CUX1: variants seen among roughly 807,000 people sequenced by gnomAD.
CUX1 encodes the protein cut like homeobox 1.
A neutral mutation model predicts 158.8 loss-of-function variants in CUX1; 31 were observed. The observed-to-expected ratio is 0.20, with a 90% CI of 0.15 to 0.26. The LOEUF is 0.26. Ranked by LOEUF, CUX1 falls within the 10% of genes least tolerant of loss-of-function variation. The pLI is 1.00. For synonymous variants in CUX1, 879 were observed against 862.1 expected, an observed-to-expected ratio of 1.02 and a Z score of -0.34; for missense variants, 1,589 against 2,014.6, an observed-to-expected ratio of 0.79 and a Z score of 4.04.
chr7:101,902,103 G>A (rs1026008154), intron 1 of CUX1, among the ~76,000 whole-genome samples: 3 of 152,162 alleles, frequency 2.0e-5, no homozygotes, highest in African/African-American at 7.2e-5. Flanking sequence ...CTCGCCCCCT[G>A]TTTCATGGAG....
intron 14 of CUX1, among the ~76,000 whole-genome samples, chr7:102,195,828 G>T (rs1272077692): frequency 6.6e-6 from 1 of 152,220 alleles, no homozygotes; most frequent in African/African-American, 2.4e-5. Context: ...AGCCGCACAG[G>T]CTCTGCGGAG....
At position 101,970,493 on chromosome 7, in the gene CUX1, G is replaced by A. The variant is rs115900442; in HGVS notation, c.141+54268G>A. 5.2e-3 allele frequency among the ~76,000 whole-genome samples: 788 copies of A among 152,280 alleles called. 11 individuals carry two copies. Among genetic ancestry groups the A allele is most frequent in the African/African-American group, 0.018 (739 of 41,556 alleles). ...CCCCAGGATTGCAGAACCTGAGCTC[G>A]AGGAGTGGGACATGACCTCCCCACG... On this transcript the variant is annotated intron_variant, in intron 2 of 23. Transcript: ENST00000292535.
intron 1 of CUX1, among the ~76,000 whole-genome samples, chr7:101,825,322 G>A (rs906769351): frequency 1.1e-4 from 17 of 152,180 alleles, no homozygotes; most frequent in East Asian, 3.9e-4. Context: ...TATTTCAGCC[G>A]TATCTCAACT....
chr7:101,982,312 G>C (rs1205384760), intron 2 of CUX1, among the ~76,000 whole-genome samples: 3 of 152,266 alleles, frequency 2.0e-5, no homozygotes, highest in Admixed American at 6.5e-5. Flanking sequence ...GGGAAGGCCA[G>C]GAGCTAGGGC....
At chr7:102,027,529 A>C (rs1820186126) in intron 2 of CUX1, among the ~76,000 whole-genome samples, 1 of 152,086 alleles carries the variant, frequency 6.6e-6, no homozygotes, top group Non-Finnish European at 1.5e-5. Flanking sequence ...TAGCACATTC[A>C]AAATGAGGTA....
chr7:102,207,763 A>T (rs1314639255), intron 20 of CUX1, among the ~76,000 whole-genome samples: 4 of 152,266 alleles, frequency 2.6e-5, no homozygotes, highest in East Asian at 3.9e-4. Context: ...GGAAAATTTT[A>T]AAAAATTGTA....
At chr7:102,188,764 A>C (rs1793923374) in intron 11 of CUX1, 1 of 151,450 alleles carries the variant, frequency 6.6e-6, no homozygotes, top group Non-Finnish European at 1.5e-5. Context: ...GAGCGAAGCC[A>C]AGATCACGCT....
intron 8 of CUX1, among the ~76,000 whole-genome samples, chr7:102,141,277 T>G (rs1362503722): frequency 6.6e-6 from 1 of 152,196 alleles, no homozygotes; most frequent in African/African-American, 2.4e-5. Context: ...CTCCACTGCC[T>G]GGGTCTTCAG....
At position 102,251,772 on chromosome 7, in the gene CUX1, A is replaced by C; in HGVS notation, c.*2730A>C. ...TGTGATGAATCTTTAAATATCGTCT[A>C]ATTTTCATAAGAATGAAAAGAAGTT... On this transcript the variant is annotated 3_prime_UTR_variant, in exon 24 of 24. Coordinates refer to ENST00000292535, the MANE Select transcript of CUX1 (RefSeq NM_181552.4). 4.1e-6 allele frequency: 4 copies of C among 985,310 alleles called. No homozygotes were observed. Among genetic ancestry groups the C allele is most frequent in the Non-Finnish European group, 4.8e-6 (4 of 829,832 alleles). 61.0% of individuals were successfully genotyped at this position (985,310 alleles called of 1,614,324 possible).
chr7:102,279,207 G>A (rs803087), intron 18 of CUX1, among the ~76,000 whole-genome samples: 44,542 of 151,944 alleles, frequency 0.29, 6,753 homozygotes, highest in East Asian at 0.49. Context: ...TGGGCGTGGT[G>A]TCATGCACCT....
At chr7:102,193,934 T>A in intron 13 of CUX1, 44 bp downstream of exon 13, 1 of 1,599,530 alleles carries the variant, frequency 6.3e-7, no homozygotes, top group South Asian at 1.1e-5. Flanking sequence ...TCAGCCCCGC[T>A]GCTGGTTACC....
In CUX1 at chr7:101,841,222, T is replaced by C. The variant is rs145522500; in HGVS notation, c.30+23553T>C. On this transcript the variant is annotated intron_variant, in intron 1 of 23. Transcript: ENST00000292535. ...TTCTATTCTTATGCCAATTTTGGCA[T>C]TTTATAATTTTCTAAAAATGTTTTC... Among the ~76,000 whole-genome samples, 631 of 152,280 alleles carry C rather than the reference T, an allele frequency of 4.1e-3. 6 individuals are homozygous for C. The highest frequency in any genetic ancestry group is 0.013 in the African/African-American group (561 of 41,562).
At chr7:101,999,929 C>G (rs1410207390) in intron 2 of CUX1, among the ~76,000 whole-genome samples, 2 of 151,940 alleles carry the variant, frequency 1.3e-5, no homozygotes, top group Non-Finnish European at 2.9e-5. Context: ...CTAAAGAGAC[C>G]CTAGTGGCAA....
At chr7:102,207,285 G>A (rs1334298350) in intron 20 of CUX1, among the ~76,000 whole-genome samples, 1 of 152,168 alleles carries the variant, frequency 6.6e-6, no homozygotes, top group Non-Finnish European at 1.5e-5. Context: ...AGAGGCAGCA[G>A]ATGGGTGTGT....
chr7:101,841,426 A>C lies in CUX1; in HGVS notation c.30+23757A>C, dbSNP rs990365467. Reference sequence around the variant, plus strand: ...TTGTTTATCTTACTGATCTTGAAAAAACAGCTTTTGGTCTTGTTAATCTTG... The same window carrying C: ...TTGTTTATCTTACTGATCTTGAAAACACAGCTTTTGGTCTTGTTAATCTTG... On this transcript the variant is annotated intron_variant, in intron 1 of 23. Transcript: ENST00000292535. 2.6e-5 allele frequency among the ~76,000 whole-genome samples: 4 copies of C among 151,250 alleles called. No homozygotes were observed. The East Asian group carries it at 7.7e-4, about 29-fold the overall frequency.
intron 2 of CUX1, among the ~76,000 whole-genome samples, chr7:101,930,460 G>T (rs1806161759): frequency 6.6e-6 from 1 of 152,154 alleles, no homozygotes; most frequent in African/African-American, 2.4e-5. Flanking sequence ...TCTGATACTT[G>T]CTGTCTTCGT....
At chr7:101,821,895 C>T (rs558783325) in intron 1 of CUX1, among the ~76,000 whole-genome samples, 2 of 142,446 alleles carry the variant, frequency 1.4e-5, no homozygotes, top group African/African-American at 5.3e-5. Flanking sequence ...GGTTCTGTGG[C>T]CCAGGCTGGA....
At chr7:101,929,614 G>C (rs1032844067) in intron 2 of CUX1, among the ~76,000 whole-genome samples, 1 of 152,284 alleles carries the variant, frequency 6.6e-6, no homozygotes, top group Middle Eastern at 3.4e-3. Context: ...GTGGTGAGCT[G>C]TTATTAATAT....
chr7:102,157,380 C>A (rs1789890814), intron 8 of CUX1, among the ~76,000 whole-genome samples: 1 of 152,008 alleles, frequency 6.6e-6, no homozygotes, highest in South Asian at 2.1e-4. Context: ...GGCCTTCTAA[C>A]AGAGACCATC....
Sources: allele counts gnomAD v4.1 joint callset (sites outside exome capture counted in the v4.1 genomes callset), GRCh38; gene constraint gnomAD v4.1.1; transcripts MANE v1.5; gene names NCBI Gene and HGNC (gene_info 2026-07-23, HGNC 2026-07-21).